Variants in SOCS2 observed in about 807,000 individuals in gnomAD.
SOCS2 encodes suppressor of cytokine signaling 2, also known as CIS-2.
SOCS2 carries 10 observed loss-of-function variants against 18.6 expected under a neutral mutation model. The observed-to-expected ratio is 0.54, with a 90% CI of 0.33 to 0.91. The LOEUF is 0.91. Ranked by LOEUF, SOCS2 falls within the 40% of genes least tolerant of loss-of-function variation. SOCS2 has a pLI of 0.02. For missense variants in SOCS2, 231 were observed against 247.2 expected, an observed-to-expected ratio of 0.93 and a Z score of 0.44; for synonymous variants, 104 against 104.0, an observed-to-expected ratio of 1.00 and a Z score of 0.00.
the SOCS2 span, among the ~76,000 whole-genome samples, chr12:93,607,469 T>A: frequency 6.6e-6 from 1 of 151,886 alleles, no homozygotes; most frequent in South Asian, 2.1e-4. Context: ...TCATGCCAGA[T>A]AAAAAGGATA....
rs372716188 is a variant in SOCS2, at chr12:93,574,687, C to T, written c.140-35C>T. 751 of 1,438,592 alleles carry T rather than the reference C, an allele frequency of 5.2e-4. 2 individuals are homozygous for T. The highest frequency in any genetic ancestry group is 6.5e-4 in the Non-Finnish European group (688 of 1,057,878). 89.1% of individuals were successfully genotyped at this position (1,438,592 alleles called of 1,614,324 possible). On this transcript the variant is annotated intron_variant, in intron 1 of 1. Coordinates refer to ENST00000551556, the MANE Select transcript of SOCS2 (RefSeq NM_001270471.2). The stretch of plus-strand genomic sequence containing the variant: ...AGAATTCTTATAATAACTGTTTTAC[C>T]CTCTTTTCTTTTTCTTTTTGAACAA...
At chr12:93,625,926 T>G in the SOCS2 span, among the ~76,000 whole-genome samples, 24,687 of 151,894 alleles carry the variant, frequency 0.16, 3,001 homozygotes, top group East Asian at 0.37. Flanking sequence ...GAGGTAGTGG[T>G]GATACTCTAT....
chr12:93,577,036 T>C (rs1296635744), downstream of SOCS2, among the ~76,000 whole-genome samples: 3 of 152,242 alleles, frequency 2.0e-5, no homozygotes, highest in Non-Finnish European at 4.4e-5. Flanking sequence ...GCAAAACTTC[T>C]ATATGATCAG....
the SOCS2 span, among the ~76,000 whole-genome samples, chr12:93,612,551 AGT>A: frequency 1.3e-5 from 2 of 152,138 alleles, no homozygotes; most frequent in African/African-American, 4.8e-5. Context: ...GTTAATCCTA[AGT>A]GTACTCCCTA....
At chr12:93,572,382 A>G (rs1954287328), upstream of SOCS2, 3 of 324,716 alleles carry the variant, frequency 9.2e-6, no homozygotes, top group African/African-American at 2.2e-5. The surrounding 1 kb of genome is among the most constrained non-coding windows in gnomAD (Gnocchi z 5.0). Flanking sequence ...GCAGGTGACT[A>G]TTTGCTCTTC....
chr12:93,606,335 C>T, the SOCS2 span, among the ~76,000 whole-genome samples: 2 of 152,292 alleles, frequency 1.3e-5, no homozygotes, highest in African/African-American at 4.8e-5. Context: ...TGGATAGTTT[C>T]TATTAATCCT....
At chr12:93,613,624 T>A in the SOCS2 span, among the ~76,000 whole-genome samples, 1 of 152,222 alleles carries the variant, frequency 6.6e-6, no homozygotes. Context: ...CTTTAAGAAT[T>A]GTGACACTCT....
the SOCS2 span, among the ~76,000 whole-genome samples, chr12:93,614,635 T>TTTCTTTCTTTCTTTCTTTC: frequency 9.0e-6 from 1 of 111,590 alleles, no homozygotes; most frequent in African/African-American, 4.1e-5. Context: ...TTCTTTCTTT[T>TTTCTTTCTTTCTTTCTTTC]GATGGAGTCT....
the SOCS2 span, among the ~76,000 whole-genome samples, chr12:93,617,867 A>G: frequency 6.6e-6 from 1 of 152,066 alleles, no homozygotes; most frequent in African/African-American, 2.4e-5. Context: ...TCCGGCCTGG[A>G]CAGGAGCAGT....
chr12:93,606,946 A>G, the SOCS2 span, among the ~76,000 whole-genome samples: 4 of 152,106 alleles, frequency 2.6e-5, no homozygotes, highest in Non-Finnish European at 4.4e-5. Flanking sequence ...AGCTACCACA[A>G]CCGACCCATT....
At chr12:93,620,334 T>C in the SOCS2 span, among the ~76,000 whole-genome samples, 1 of 152,240 alleles carries the variant, frequency 6.6e-6, no homozygotes, top group Non-Finnish European at 1.5e-5. Flanking sequence ...TTTTCTATTG[T>C]GGACATTCGG....
chr12:93,598,576 G>A, the SOCS2 span, among the ~76,000 whole-genome samples: 1 of 152,168 alleles, frequency 6.6e-6, no homozygotes. Context: ...AGAAAGACTT[G>A]ATATTGATTT....
chr12:93,614,483 CCTTCCTTCCTTCCTT>C, the SOCS2 span, among the ~76,000 whole-genome samples: 1 of 22,994 alleles, frequency 4.3e-5, no homozygotes, highest in Non-Finnish European at 7.5e-5. Flanking sequence ...TCCTTCCTTT[CCTTCCTTCCTTCCTT>C]CCTTCCTTCC....
the SOCS2 span, among the ~76,000 whole-genome samples, chr12:93,589,910 T>C: frequency 6.6e-6 from 1 of 152,236 alleles, no homozygotes; most frequent in Non-Finnish European, 1.5e-5. Flanking sequence ...TTAACAGCAC[T>C]TCCATTAGTG....
At chr12:93,611,649 T>C in the SOCS2 span, among the ~76,000 whole-genome samples, 1,280 of 152,332 alleles carry the variant, frequency 8.4e-3, 62 homozygotes, top group East Asian at 0.13. Context: ...AAATTCTCTT[T>C]CATTACACTG....
At chr12:93,590,728 G>A in the SOCS2 span, among the ~76,000 whole-genome samples, 1 of 130,406 alleles carries the variant, frequency 7.7e-6, no homozygotes, top group African/African-American at 2.9e-5. Context: ...CCAGCAGGCA[G>A]AGCCGAGATG....
At chr12:93,596,568 C>T in the SOCS2 span, among the ~76,000 whole-genome samples, 4 of 152,190 alleles carry the variant, frequency 2.6e-5, no homozygotes, top group Non-Finnish European at 5.9e-5. Context: ...TGACTCACAC[C>T]TGTAATCCCA....
the SOCS2 span, among the ~76,000 whole-genome samples, chr12:93,593,983 A>G: frequency 3.3e-5 from 5 of 152,242 alleles, no homozygotes; most frequent in Non-Finnish European, 7.3e-5. Flanking sequence ...CAGTGTTTCC[A>G]TAACACATTA....
Position 93,575,089 on chromosome 12 carries a change from C to A in SOCS2, c.507C>A (p.Leu169=), listed in dbSNP as rs1333045913. The change falls in exon 2 of 2, where the codon CTC becomes CTA. Residue 169 remains leucine, a synonymous_variant. Transcript: ENST00000551556. ...SAPSLQHLCR[L]TINKCTGAIW... ...CATCTCTGCAGCATCTCTGTAGGCTCACCATTAACAAATGTACCGGTGCCA... is the reference window on the plus strand; with the variant it reads ...CATCTCTGCAGCATCTCTGTAGGCTAACCATTAACAAATGTACCGGTGCCA... 6.2e-7 allele frequency: 1 copy of A among 1,612,880 alleles called. No individual in the cohort carries two copies. The highest frequency in any genetic ancestry group is 2.2e-5 in the East Asian group (1 of 44,894).
Sources: gnomAD v4.1 joint callset for allele counts (sites outside exome capture counted in the v4.1 genomes callset) on GRCh38, gnomAD v4.1.1 for gene constraint, Gnocchi (gnomAD v3.1) non-coding constraint, MANE v1.5 for transcripts, NCBI Gene and HGNC (gene_info 2026-07-23, HGNC 2026-07-21) for gene names.